Variants in A1CF observed in about 807,000 individuals in gnomAD.
The protein encoded by A1CF is APOBEC1 complementation factor, also known as APOBEC-1 stimulating protein.
A1CF carries 48 observed loss-of-function variants against 68.9 expected under a neutral mutation model. The observed-to-expected ratio is 0.70, with a 90% confidence interval of 0.55 to 0.89. A1CF has a LOEUF of 0.89. Among genes scored for constraint, A1CF ranks in the 40% least tolerant of loss-of-function variants. The probability of loss-of-function intolerance (pLI) is 0.00; values close to 1 mark genes in which losing one functional copy is unlikely to be tolerated. For synonymous variants in A1CF, 272 were observed against 260.4 expected, an observed-to-expected ratio of 1.04 and a Z score of -0.43; for missense variants, 653 against 718.9, an observed-to-expected ratio of 0.91 and a Z score of 1.05.
chr10:50,814,094 A>G, intron 9 of A1CF, 56 bp from the exon 10 acceptor site: 1 of 1,589,468 alleles, frequency 6.3e-7, no homozygotes, highest in Non-Finnish European at 8.6e-7. Flanking sequence ...AAACTGAATC[A>G]AACCACCAGA....
At position 50,820,420 on chromosome 10, in the gene A1CF, T is replaced by C. The variant is rs999312721; in HGVS notation, c.867+132A>G. 4 of 650,312 alleles carry C rather than the reference T, an allele frequency of 6.2e-6. No homozygotes were observed. The African/African-American group carries it at 7.3e-5, about 12-fold the overall frequency. The allele number at this position is 650,312 out of a possible 1,614,324, so 40.3% of individuals were successfully genotyped here. A position where few individuals can be genotyped will look rare whatever the true frequency, so the allele number is the denominator to read the frequency against. ...TTTTCCATCATTTCTCTTTAGTACA[T>C]CTTAAATGGACTGAGGCAGCCATGT... On this transcript the variant is annotated intron_variant, in intron 8 of 12. Coordinates refer to ENST00000373997, the MANE Select transcript of A1CF (RefSeq NM_014576.4).
intron 1 of A1CF, among the ~76,000 whole-genome samples, chr10:50,885,235 C>T (rs1370687247): frequency 6.6e-6 from 1 of 152,076 alleles, no homozygotes; most frequent in African/African-American, 2.4e-5. Context: ...TTTTGTTTCT[C>T]AGGGTCCTAG....
intron 1 of A1CF, among the ~76,000 whole-genome samples, chr10:50,868,420 CT>C (rs577679802): frequency 7.9e-5 from 12 of 152,230 alleles, no homozygotes; most frequent in Admixed American, 3.3e-4. Context: ...GTAGCATGCA[CT>C]TTGGTCATGG....
At chr10:50,813,325 C>T (rs1467128050) in intron 10 of A1CF, among the ~76,000 whole-genome samples, 2 of 152,194 alleles carry the variant, frequency 1.3e-5, no homozygotes, top group Non-Finnish European at 2.9e-5. Context: ...TAAAAACTCT[C>T]TGTAATGCCA....
intron 1 of A1CF, among the ~76,000 whole-genome samples, chr10:50,883,496 A>G (rs1317458885): frequency 6.6e-6 from 1 of 152,186 alleles, no homozygotes; most frequent in Non-Finnish European, 1.5e-5. Context: ...TCAGATAGGC[A>G]TAGTCCTATT....
chr10:50,843,611 G>A (rs1035516971), intron 4 of A1CF, among the ~76,000 whole-genome samples: 2 of 152,162 alleles, frequency 1.3e-5, no homozygotes, highest in Non-Finnish European at 2.9e-5. Flanking sequence ...CTTTTAAAAT[G>A]AAAATGTTGT....
intron 12 of A1CF, among the ~76,000 whole-genome samples, chr10:50,807,825 A>G (rs961995301): frequency 2.0e-5 from 3 of 152,188 alleles, no homozygotes; most frequent in Non-Finnish European, 4.4e-5. Context: ...TTTAAACCCC[A>G]TTTAGTTTAT....
Position 50,806,496 on chromosome 10 carries a change from C to T in A1CF, c.*233G>A. Reference sequence around the variant, plus strand: ...AAGACTGGAAGAACAACTTTTGGGGCAGTGGCTCTCCAGCTTTCTGTTAAA... The same window carrying T: ...AAGACTGGAAGAACAACTTTTGGGGTAGTGGCTCTCCAGCTTTCTGTTAAA... On this transcript the variant is annotated 3_prime_UTR_variant, in exon 13 of 13. Coordinates refer to ENST00000373997, the MANE Select transcript of A1CF (RefSeq NM_014576.4). The T allele has an allele frequency of 7.0e-6, 2 of 286,998 alleles. No individual in the cohort carries two copies. Among genetic ancestry groups the T allele is most frequent in the Middle Eastern group, 1.0e-3 (1 of 980 alleles). 17.8% of individuals were successfully genotyped at this position (286,998 alleles called of 1,614,324 possible).
intron 1 of A1CF, among the ~76,000 whole-genome samples, chr10:50,883,419 C>T (rs12244405): frequency 0.22 from 34,121 of 152,108 alleles, 4,478 homozygotes; most frequent in South Asian, 0.32. Flanking sequence ...TTACAATAGG[C>T]GTTTCCACTT....
intron 11 of A1CF, 39 bp downstream of exon 11, chr10:50,811,001 C>T (rs768572082): frequency 1.4e-5 from 22 of 1,588,280 alleles, no homozygotes; most frequent in African/African-American, 5.4e-5. Context: ...TAAGTGTATC[C>T]TGCTCTAAAA....
chr10:50,849,797 T>TC (rs1840153214), intron 3 of A1CF, among the ~76,000 whole-genome samples: 1 of 139,744 alleles, frequency 7.2e-6, no homozygotes, highest in Admixed American at 7.2e-5. Flanking sequence ...TTTTTTTTTT[T>TC]TTTTTTTTTT....
chr10:50,813,714 A>T, intron 10 of A1CF, 143 bp downstream of exon 10: 1 of 785,620 alleles, frequency 1.3e-6, no homozygotes, highest in Non-Finnish European at 2.0e-6. Context: ...TCCTTCAAAG[A>T]CTGTGACATT....
intron 3 of A1CF, among the ~76,000 whole-genome samples, chr10:50,857,110 A>G (rs938686757): frequency 1.3e-5 from 2 of 152,076 alleles, no homozygotes. Flanking sequence ...ATTTTTTTAT[A>G]TGATTACTGT....
chr10:50,869,058 T>C (rs1166912628), intron 1 of A1CF, among the ~76,000 whole-genome samples: 2 of 152,066 alleles, frequency 1.3e-5, no homozygotes, highest in Admixed American at 6.6e-5. Flanking sequence ...ACCTGGGTGA[T>C]GAAATAATCT....
At chr10:50,868,554 A>C (rs1344223944) in intron 1 of A1CF, among the ~76,000 whole-genome samples, 1 of 152,196 alleles carries the variant, frequency 6.6e-6, no homozygotes, top group Non-Finnish European at 1.5e-5. Context: ...ATACTAGAAA[A>C]AAAACTAACC....
chr10:50,862,324 C>G (rs1455525922), intron 2 of A1CF, among the ~76,000 whole-genome samples: 1 of 151,910 alleles, frequency 6.6e-6, no homozygotes, highest in Non-Finnish European at 1.5e-5. Flanking sequence ...TGAGATCATG[C>G]CATTGCACTG....
intron 2 of A1CF, among the ~76,000 whole-genome samples, chr10:50,860,739 A>G (rs184841781): frequency 3.9e-5 from 6 of 152,206 alleles, no homozygotes; most frequent in African/African-American, 1.4e-4. Context: ...TACATTTTCT[A>G]TTTTGGGAAC....
intron 1 of A1CF, among the ~76,000 whole-genome samples, chr10:50,870,150 T>TA (rs143794152): frequency 6.6e-6 from 1 of 152,078 alleles, no homozygotes; most frequent in Non-Finnish European, 1.5e-5. Context: ...GTCTCTTCTT[T>TA]ATGCTAAAAA....
rs2132287283 is a variant in A1CF, at chr10:50,803,104, T to C, written c.*3625A>G. 6.6e-6 allele frequency: 1 copy of C among 152,366 alleles called. No individual in the cohort carries two copies. The highest frequency in any genetic ancestry group is 2.1e-4 in the South Asian group (1 of 4,840). The allele number at this position is 152,366 out of a possible 1,614,324, so 9.4% of individuals were successfully genotyped here. ...TTGTTAGATATTTATTTTTGCTTTTTTGGAGACAGGGTCTTGCTCTGTCAC... is the reference window on the plus strand; with the variant it reads ...TTGTTAGATATTTATTTTTGCTTTTCTGGAGACAGGGTCTTGCTCTGTCAC... On this transcript the variant is annotated 3_prime_UTR_variant, in exon 13 of 13. Transcript: ENST00000373997.
Sources: gnomAD v4.1 joint callset for allele counts (sites outside exome capture counted in the v4.1 genomes callset) on GRCh38, gnomAD v4.1.1 for gene constraint, MANE v1.5 for transcripts, NCBI Gene and HGNC (gene_info 2026-07-23, HGNC 2026-07-21) for gene names.